Variants in PRDM2 observed in about 807,000 individuals in gnomAD.
The protein encoded by PRDM2 is PR/SET domain 2, also known as PR domain zinc finger protein 2.
PRDM2 carries 30 observed loss-of-function variants against 130.0 expected under a neutral mutation model. That is an observed-to-expected ratio of 0.23 (90% CI 0.17 to 0.31). The LOEUF is 0.31. Ranked by LOEUF, PRDM2 falls within the 10% of genes least tolerant of loss-of-function variation. PRDM2 has a pLI of 1.00. For synonymous variants in PRDM2, 871 were observed against 782.4 expected (o/e 1.11, Z -1.89); for missense variants, 2,011 against 2,108.4 (o/e 0.95, Z 0.90).
chr1:13,737,232 G>A (rs1049384544), intron 4 of PRDM2, among the ~76,000 whole-genome samples: 5 of 152,186 alleles, frequency 3.3e-5, no homozygotes, highest in African/African-American at 7.2e-5. Context: ...TTATTACAGC[G>A]CTGGAGCTAA....
chr1:13,707,284 C>T (rs761843089), intron 1 of PRDM2, among the ~76,000 whole-genome samples: 9 of 152,158 alleles, frequency 5.9e-5, no homozygotes, highest in South Asian at 2.1e-4. Flanking sequence ...AGTGTTCTTC[C>T]GCTTTTCAGG....
At chr1:13,808,941 G>C (rs1434321621) in intron 8 of PRDM2, among the ~76,000 whole-genome samples, 1 of 149,716 alleles carries the variant, frequency 6.7e-6, no homozygotes, top group East Asian at 2.0e-4. Flanking sequence ...TCTCAACCCA[G>C]CTGCATGTTG....
chr1:13,742,452 T>A (rs1013153181), intron 5 of PRDM2, among the ~76,000 whole-genome samples: 3 of 152,236 alleles, frequency 2.0e-5, no homozygotes, highest in African/African-American at 7.2e-5. Context: ...TCTACCTGCC[T>A]CAGCCTCCCA....
intron 1 of PRDM2, among the ~76,000 whole-genome samples, chr1:13,701,826 GTGCCAGAACATGATAATAC>G (rs1250587486): frequency 1.3e-5 from 2 of 152,206 alleles, no homozygotes; most frequent in African/African-American, 2.4e-5. Flanking sequence ...GCTTAGAAAA[GTGCCAGAACATGATAATAC>G]TGCTCAGTAA....
chr1:13,761,214 T>G (rs1290244063), intron 6 of PRDM2, among the ~76,000 whole-genome samples: 1 of 152,260 alleles, frequency 6.6e-6, no homozygotes, highest in Non-Finnish European at 1.5e-5. Flanking sequence ...TCCAAAGCAC[T>G]CATGACAGTT....
At chr1:13,723,862 G>A (rs1236869477) in intron 2 of PRDM2, among the ~76,000 whole-genome samples, 2 of 152,196 alleles carry the variant, frequency 1.3e-5, no homozygotes, top group African/African-American at 4.8e-5. Flanking sequence ...ACTGCTCTGA[G>A]CTGGGCACTC....
At chr1:13,765,902 C>T (rs189899281) in intron 6 of PRDM2, among the ~76,000 whole-genome samples, 142 of 152,252 alleles carry the variant, frequency 9.3e-4, no homozygotes, top group Non-Finnish European at 1.4e-3. Context: ...CTTTTCTCCT[C>T]CCAGTTAAGC....
chr1:13,768,120 C>T (rs1377723395), intron 6 of PRDM2, among the ~76,000 whole-genome samples: 1 of 149,046 alleles, frequency 6.7e-6, no homozygotes, highest in Admixed American at 6.7e-5. Flanking sequence ...CTCTGTTGCC[C>T]AGGCTGGAGT....
chr1:13,753,418 T>C (rs1204591823), intron 6 of PRDM2, among the ~76,000 whole-genome samples: 1 of 152,186 alleles, frequency 6.6e-6, no homozygotes, highest in Non-Finnish European at 1.5e-5. Flanking sequence ...CACAGAACAG[T>C]TAAATTATAA....
Position 13,779,748 on chromosome 1 carries a change from G to GGCCGAAACA in PRDM2, c.1955_1963dup (p.Ala652_Thr654dup). On this transcript the variant is annotated inframe_insertion, in exon 8 of 10. Transcript: ENST00000311066. The surrounding 1 kb of genome is among the most constrained non-coding windows in gnomAD (Gnocchi z 4.9). ...GCCCACCTGCACTGCCCAAAATTAA[G>GGCCGAAACA]GCCGAAACAGACTCTGACCCCATGG... 1 of 1,614,144 alleles carries GGCCGAAACA rather than the reference G, an allele frequency of 6.2e-7. No individual in the cohort carries two copies. The highest frequency in any genetic ancestry group is 8.5e-7 in the Non-Finnish European group (1 of 1,180,022).
chr1:13,760,465 A>G (rs1391541792), intron 6 of PRDM2, among the ~76,000 whole-genome samples: 1 of 152,096 alleles, frequency 6.6e-6, no homozygotes, highest in Non-Finnish European at 1.5e-5. Context: ...ATGAGCCTGG[A>G]GTGTGCGTGT....
At chr1:13,757,778 CTTTTTTTTTTTTTT>C (rs34501705) in intron 6 of PRDM2, among the ~76,000 whole-genome samples, 1 of 105,906 alleles carries the variant, frequency 9.4e-6, no homozygotes, top group Non-Finnish European at 1.9e-5. Context: ...AGGTGGATAG[CTTTTTTTTTTTTTT>C]TTTTTTTTAA....
rs148489941 is a variant in PRDM2, at chr1:13,800,267, T to C, written c.5037-16160T>C. Among the ~76,000 whole-genome samples the C allele has an allele frequency of 9.2e-4, 140 of 152,086 alleles. 1 individual carries two copies. The highest frequency in any genetic ancestry group is 3.1e-3 in the African/African-American group (129 of 41,444). ...AGATGATAAATGCTAGGGAGAGAAA[T>C]AAAACACAGATGCGGGAATAGAGAC... On this transcript the variant is annotated intron_variant, in intron 8 of 9. Coordinates refer to ENST00000311066, the MANE Select transcript of PRDM2 (RefSeq NM_001393986.1).
intron 5 of PRDM2, among the ~76,000 whole-genome samples, chr1:13,748,696 T>G (rs1168479272): frequency 6.6e-6 from 1 of 152,204 alleles, no homozygotes; most frequent in Non-Finnish European, 1.5e-5. Context: ...GGCTTAAGAA[T>G]GTGATGGTTT....
Position 13,781,577 on chromosome 1 carries a change from A to C in PRDM2, c.3782A>C (p.Glu1261Ala), listed in dbSNP as rs749303622. Residue 1261 changes from glutamate (E) to alanine (A), a missense_variant, in exon 8 of 10, where the codon GAG becomes GCG. Glu to Ala is a moderately radical substitution (Grantham distance 107, BLOSUM62 -1). Transcript: ENST00000311066. The surrounding 1 kb of genome is among the most constrained non-coding windows in gnomAD (Gnocchi z 6.1). ...TTAGAAACTTCTAAAGAAGAAGAGG[A>C]GTTAAATGATTCCTCTGAAGAGCTT... ...DPLETSKEEE[E>A]LNDSSEELYT... 3 of 1,612,464 alleles carry C rather than the reference A, an allele frequency of 1.9e-6. No homozygotes were observed. The highest frequency in any genetic ancestry group is 2.7e-5 in the African/African-American group (2 of 74,914).
At chr1:13,793,992 C>T (rs1644883356) in intron 8 of PRDM2, among the ~76,000 whole-genome samples, 1 of 152,296 alleles carries the variant, frequency 6.6e-6, no homozygotes, top group Middle Eastern at 3.4e-3. Context: ...GACCAGGGCC[C>T]CTCATGGGAG....
intron 2 of PRDM2, among the ~76,000 whole-genome samples, chr1:13,718,546 C>T (rs1642620469): frequency 6.6e-6 from 1 of 152,166 alleles, no homozygotes; most frequent in Non-Finnish European, 1.5e-5. Context: ...CCTCTGAGCC[C>T]AGCTCTCACA....
At chr1:13,744,640 AAT>A (rs544581060) in intron 5 of PRDM2, among the ~76,000 whole-genome samples, 11 of 149,572 alleles carry the variant, frequency 7.4e-5, no homozygotes, top group Middle Eastern at 3.5e-3. Flanking sequence ...TAAACAAGCC[AAT>A]ATATATATAT....
At position 13,778,697 on chromosome 1, in the gene PRDM2, A is replaced by G; in HGVS notation, c.902A>G (p.Asn301Ser). ...DEGEEEASMPNENSVKEPEIR... is the reference protein window; with the variant it reads ...DEGEEEASMPSENSVKEPEIR... ...GGGGAAGAAGAAGCCAGCATGCCAA[A>G]TGAAAATTCTGTGAAAGAGCCAGAA... The change falls in exon 8 of 10, where the codon AAT (asparagine) becomes AGT (serine). Residue 301 changes from asparagine to serine, a missense_variant. Transcript: ENST00000311066. 2 of 1,614,226 alleles carry G rather than the reference A, an allele frequency of 1.2e-6. No individual in the cohort carries two copies. Among genetic ancestry groups the G allele is most frequent in the East Asian group, 2.2e-5 (1 of 44,884 alleles).
Sources: gnomAD v4.1 joint callset for allele counts (sites outside exome capture counted in the v4.1 genomes callset) on GRCh38, gnomAD v4.1.1 for gene constraint, Gnocchi (gnomAD v3.1) non-coding constraint, MANE v1.5 for transcripts, NCBI Gene and HGNC (gene_info 2026-07-23, HGNC 2026-07-21) for gene names.